PTPRA: variants seen among roughly 807,000 people sequenced by gnomAD.
PTPRA encodes the protein receptor-type tyrosine-protein phosphatase alpha.
PTPRA carries 25 observed loss-of-function variants against 104.8 expected under a neutral mutation model. That is an observed-to-expected ratio of 0.24 (90% confidence interval 0.17 to 0.33). The LOEUF is 0.33. Among genes scored for constraint, PTPRA ranks in the 10% least tolerant of loss-of-function variants. PTPRA has a pLI of 1.00. For synonymous variants in PTPRA, 323 were observed against 368.9 expected, an observed-to-expected ratio of 0.88 and a Z score of 1.43; for missense variants, 765 against 1,015.3, an observed-to-expected ratio of 0.75 and a Z score of 3.35.
intron 9 of PTPRA, among the ~76,000 whole-genome samples, chr20:3,002,419 C>T (rs567571833): frequency 6.6e-6 from 1 of 151,180 alleles, no homozygotes; most frequent in South Asian, 2.1e-4. Flanking sequence ...CTCCATCTCC[C>T]GGGTTCAAGC....
At chr20:2,997,812 T>C (rs2063459854) in intron 9 of PTPRA, among the ~76,000 whole-genome samples, 1 of 152,182 alleles carries the variant, frequency 6.6e-6, no homozygotes. Flanking sequence ...TATCAAGGTT[T>C]AAAAAGAAAC....
At chr20:2,948,885 G>C (rs1013657481) in intron 3 of PTPRA, among the ~76,000 whole-genome samples, 2 of 152,058 alleles carry the variant, frequency 1.3e-5, no homozygotes, top group Non-Finnish European at 2.9e-5. Flanking sequence ...CCGGGAGGCG[G>C]AGCTTGCAGT....
chr20:3,012,733 C>T (rs2064232357), intron 11 of PTPRA, among the ~76,000 whole-genome samples: 1 of 152,222 alleles, frequency 6.6e-6, no homozygotes, highest in Non-Finnish European at 1.5e-5. Flanking sequence ...GAAGCAAATT[C>T]AGAGGCCGTT....
intron 9 of PTPRA, among the ~76,000 whole-genome samples, chr20:2,992,257 C>G (rs996308715): frequency 1.3e-5 from 2 of 152,164 alleles, no homozygotes; most frequent in African/African-American, 4.8e-5. Flanking sequence ...TGGCTCATGC[C>G]TGTAATCCCT....
chr20:2,966,991 G>A (rs2061970776), intron 5 of PTPRA, among the ~76,000 whole-genome samples: 1 of 152,206 alleles, frequency 6.6e-6, no homozygotes, highest in African/African-American at 2.4e-5. Flanking sequence ...ACACAGGCCT[G>A]ACTGACTGAA....
At chr20:2,876,868 T>C (rs1423552545) in intron 1 of PTPRA, among the ~76,000 whole-genome samples, 3 of 152,204 alleles carry the variant, frequency 2.0e-5, no homozygotes, top group Non-Finnish European at 4.4e-5. Context: ...TTTTCAGCTA[T>C]TATATGCCTA....
At chr20:2,892,180 C>T (rs2058825426) in intron 1 of PTPRA, among the ~76,000 whole-genome samples, 1 of 151,216 alleles carries the variant, frequency 6.6e-6, no homozygotes, top group South Asian at 2.1e-4. Flanking sequence ...ATCCTAGCTA[C>T]TCTGGAGGCT....
the PTPRA span, among the ~76,000 whole-genome samples, chr20:2,868,026 G>T: frequency 6.6e-6 from 1 of 152,216 alleles, no homozygotes; most frequent in African/African-American, 2.4e-5. Context: ...AAGACTAAAA[G>T]GTTGATAGCT....
chr20:2,915,436 T>G (rs993959522), intron 1 of PTPRA, among the ~76,000 whole-genome samples: 1 of 152,116 alleles, frequency 6.6e-6, no homozygotes, highest in Non-Finnish European at 1.5e-5. Flanking sequence ...TTAAATTCTT[T>G]GCCTATTTTT....
intron 2 of PTPRA, among the ~76,000 whole-genome samples, chr20:2,934,962 GTGC>G (rs1296541311): frequency 1.3e-5 from 2 of 152,080 alleles, no homozygotes; most frequent in Admixed American, 1.3e-4. Context: ...GTGAGCCACT[GTGC>G]CCGGCCCCTG....
chr20:2,986,889 T>C (rs1486021914), intron 7 of PTPRA, 40 bp downstream of exon 7: 1 of 1,534,922 alleles, frequency 6.5e-7, no homozygotes, highest in East Asian at 2.2e-5. Flanking sequence ...AGATTCTGTT[T>C]CAATATCCCA....
At chr20:2,905,549 G>A (rs1221999777) in intron 1 of PTPRA, among the ~76,000 whole-genome samples, 2 of 152,074 alleles carry the variant, frequency 1.3e-5, no homozygotes, top group Middle Eastern at 3.2e-3. Flanking sequence ...GCAAAAAGTA[G>A]TTGTTTTTAG....
Position 3,037,361 on chromosome 20 carries a change from G to T in PTPRA, c.2334+72G>T. 6 of 1,585,668 alleles carry T rather than the reference G, an allele frequency of 3.8e-6. No homozygotes were observed. Among genetic ancestry groups the T allele is most frequent in the Non-Finnish European group, 5.1e-6 (6 of 1,167,260 alleles). ...CTTCTCTCAGGGAGGAGGCTCTTCA[G>T]AGGGGCCCACCCAGTAGTCAGAAGA... On this transcript the variant is annotated intron_variant, in intron 23 of 23. Coordinates refer to ENST00000399903, the MANE Select transcript of PTPRA (RefSeq NM_001385305.1). This position sits in a 1 kb window ranked among gnomAD's most constrained non-coding sequence, Gnocchi z 4.3.
chr20:2,937,193 A>C (rs1311064137), intron 2 of PTPRA, among the ~76,000 whole-genome samples: 3 of 145,760 alleles, frequency 2.1e-5, no homozygotes, highest in African/African-American at 7.7e-5. Context: ...GCGTGATCTC[A>C]GCTCATTGCA....
At chr20:3,015,129 T>G (rs1198906699) in intron 11 of PTPRA, among the ~76,000 whole-genome samples, 1 of 152,148 alleles carries the variant, frequency 6.6e-6, no homozygotes, top group Non-Finnish European at 1.5e-5. Flanking sequence ...TAACCTGTTT[T>G]CTTTCCCAGA....
At chr20:2,887,067 A>G (rs541137332) in intron 1 of PTPRA, among the ~76,000 whole-genome samples, 22 of 152,274 alleles carry the variant, frequency 1.4e-4, no homozygotes, top group African/African-American at 5.3e-4. Context: ...CTTTTTGGTT[A>G]TGATAGCATT....
chr20:2,948,022 C>A lies in PTPRA; in HGVS notation c.-9C>A. On this transcript the variant is annotated splice_region_variant and 5_prime_UTR_variant, in exon 3 of 24. Transcript: ENST00000399903. ...AGCATAATTAACTTTTTAAAAGAAG[C>A]TAGTAAGTACTGAAATAGTTTTTTA... 1 of 1,084,690 alleles carries A rather than the reference C, an allele frequency of 9.2e-7. No individual in the cohort carries two copies. Among genetic ancestry groups the A allele is most frequent in the Non-Finnish European group, 1.2e-6 (1 of 809,194 alleles). The allele number at this position is 1,084,690 out of a possible 1,614,324, so 67.2% of individuals were successfully genotyped here. A position where few individuals can be genotyped will look rare whatever the true frequency, so the allele number is the denominator to read the frequency against.
chr20:2,964,732 T>G (rs2061883961), intron 4 of PTPRA, 129 bp from the exon 5 acceptor site: 3 of 787,646 alleles, frequency 3.8e-6, no homozygotes, highest in Non-Finnish European at 6.0e-6. Context: ...GTGGGTGGTG[T>G]TGAGGGGGAT....
chr20:2,987,093 G>T (rs2062941802), intron 7 of PTPRA, among the ~76,000 whole-genome samples: 1 of 152,080 alleles, frequency 6.6e-6, no homozygotes, highest in Non-Finnish European at 1.5e-5. Context: ...CCCAACTCCA[G>T]TGCAAGCTAA....
Sources: gnomAD v4.1 joint callset for allele counts (sites outside exome capture counted in the v4.1 genomes callset) on GRCh38, gnomAD v4.1.1 for gene constraint, Gnocchi (gnomAD v3.1) non-coding constraint, MANE v1.5 for transcripts, NCBI Gene and HGNC (gene_info 2026-07-23, HGNC 2026-07-21) for gene names.